The following CPOX variants were observed in gnomAD, a reference collection of about 807,000 sequenced individuals.
CPOX encodes coproporphyrinogen oxidase.
In CPOX, 24 loss-of-function variants were observed where a neutral mutation model predicts 48.9. The ratio of observed to expected loss-of-function variants is 0.49; its 90% confidence interval spans 0.36 to 0.69. CPOX has a LOEUF of 0.69. CPOX is among the 30% of genes least tolerant of loss of function. CPOX has a pLI of 0.00. For synonymous variants in CPOX, 249 were observed against 234.6 expected (o/e 1.06, Z -0.56); for missense variants, 549 against 597.3 (o/e 0.92, Z 0.84).
downstream of CPOX, among the ~76,000 whole-genome samples, chr3:98,576,551 A>G (rs1707165200): frequency 6.6e-6 from 1 of 152,206 alleles, no homozygotes; most frequent in Admixed American, 6.5e-5. Flanking sequence ...AGGTAACAAT[A>G]CAAGGGAATT....
Position 98,580,589 on chromosome 3 carries a change from G to A in CPOX, c.*94C>T, listed in dbSNP as rs1451472218. ...TGCAGAGTGGAGAAGACTAAGGCAC[G>A]GGTAACTGCCACACAGTGGCAAAGT... On this transcript the variant is annotated 3_prime_UTR_variant, in exon 7 of 7. Coordinates refer to ENST00000647941, the MANE Select transcript of CPOX (RefSeq NM_000097.7). The A allele has an allele frequency of 1.6e-5, 26 of 1,595,912 alleles. No homozygotes were observed. The highest frequency in any genetic ancestry group is 2.3e-5 in the East Asian group (1 of 44,368).
At position 98,580,518 on chromosome 3, in the gene CPOX, C is replaced by T; in HGVS notation, c.*165G>A. On this transcript the variant is annotated 3_prime_UTR_variant, in exon 7 of 7. Transcript: ENST00000647941. Reference sequence around the variant, plus strand: ...GACAATCTGCCATCTCACCATTCATCACTGACAGCATCCAAAACATGTTAT... The same window carrying T: ...GACAATCTGCCATCTCACCATTCATTACTGACAGCATCCAAAACATGTTAT... 6.8e-7 allele frequency: 1 copy of T among 1,474,352 alleles called. No homozygotes were observed. The highest frequency in any genetic ancestry group is 9.0e-7 in the Non-Finnish European group (1 of 1,113,850). 91.3% of individuals were successfully genotyped at this position (1,474,352 alleles called of 1,614,324 possible).
intron 5 of CPOX, 72 bp downstream of exon 5, chr3:98,585,369 C>A: frequency 8.5e-7 from 1 of 1,170,720 alleles, no homozygotes; most frequent in Non-Finnish European, 1.3e-6. Context: ...GACAACACAA[C>A]ACCCGCTATT....
At position 98,593,321 on chromosome 3, in the gene CPOX, G is replaced by A. The variant is rs541089894; in HGVS notation, c.184C>T (p.Leu62=). 38 of 1,434,334 alleles carry A rather than the reference G, an allele frequency of 2.6e-5. 1 individual carries two copies. In the South Asian group the frequency reaches 5.5e-4, roughly 21 times the overall value. The allele number at this position is 1,434,334 out of a possible 1,614,324, so 88.9% of individuals were successfully genotyped here. A position where few individuals can be genotyped will look rare whatever the true frequency, so the allele number is the denominator to read the frequency against. ...CCTCTCGACGTCGAGCCGTGCCCCAGCCCGCGGCTCTGCTCCGTGCCAGCC... is the reference window on the plus strand; with the variant it reads ...CCTCTCGACGTCGAGCCGTGCCCCAACCCGCGGCTCTGCTCCGTGCCAGCC... ...GPAGTEQSRG[L]GHGSTSRGGP... The change falls in exon 1 of 7, where the codon CTG becomes TTG. Residue 62 remains leucine, a synonymous_variant. Transcript: ENST00000647941.
chr3:98,591,031 T>C lies in CPOX; in HGVS notation c.681A>G (p.Lys227=). ...EAAKQMRSRG[K]VLKTKDGKLP... ...ATTTACCATCTTTAGTCTTCAGAAC[T>C]TTTCCTCTGCTTCTCATTTGTTTTG... The change falls in exon 2 of 7, where the codon AAA becomes AAG. Residue 227 remains lysine, a synonymous_variant. Coordinates refer to ENST00000647941, the MANE Select transcript of CPOX (RefSeq NM_000097.7). 6.2e-7 allele frequency: 1 copy of C among 1,614,164 alleles called. No individual in the cohort carries two copies. Among genetic ancestry groups the C allele is most frequent in the Non-Finnish European group, 8.5e-7 (1 of 1,179,996 alleles).
chr3:98,582,249 G>A (rs1675534), intron 5 of CPOX, among the ~76,000 whole-genome samples: 45,747 of 151,864 alleles, frequency 0.3, 7,322 homozygotes, highest in African/African-American at 0.42. Flanking sequence ...CTTTAACATA[G>A]GATGTAAACG....
Position 98,593,423 on chromosome 3 carries a change from A to G in CPOX, c.82T>C (p.Ser28Pro). ...RGGCGGPRAW[S>P]QCGGGGLRAW... ...CGGAGCCCTCCGCCGCCGCACTGGG[A>G]CCAGGCGCGGGGCCCTCCGCAGCCG... is the stretch of plus-strand genomic sequence containing the variant. Residue 28 changes from serine (S) to proline (P), a missense_variant, in exon 1 of 7, where the codon TCC becomes CCC. By Grantham distance (74) the Ser-to-Pro change is moderately conservative (BLOSUM62 -1). Transcript: ENST00000647941. 6.8e-7 allele frequency: 1 copy of G among 1,467,280 alleles called. No homozygotes were observed. The highest frequency in any genetic ancestry group is 9.0e-7 in the Non-Finnish European group (1 of 1,116,480). The allele number at this position is 1,467,280 out of a possible 1,614,324, so 90.9% of individuals were successfully genotyped here.
At position 98,582,295 on chromosome 3, in the gene CPOX, C is replaced by T. The variant is rs148770769; in HGVS notation, c.1173-784G>A. 5.8e-3 allele frequency among the ~76,000 whole-genome samples: 878 copies of T among 152,220 alleles called. 12 individuals carry two copies. The highest frequency in any genetic ancestry group is 0.02 in the African/African-American group (851 of 41,536). On this transcript the variant is annotated intron_variant, in intron 5 of 6. Coordinates refer to ENST00000647941, the MANE Select transcript of CPOX (RefSeq NM_000097.7). Reference sequence around the variant, plus strand: ...TCCCATTTCAAAAGGATAATTTCTACTACTCAAAAGAATTTAGACTGATTC... The same window carrying T: ...TCCCATTTCAAAAGGATAATTTCTATTACTCAAAAGAATTTAGACTGATTC...
At chr3:98,576,283 C>T (rs1304972619), downstream of CPOX, among the ~76,000 whole-genome samples, 2 of 152,144 alleles carry the variant, frequency 1.3e-5, no homozygotes. Flanking sequence ...ACCTTCTTCA[C>T]AAGGCAGCAG....
intron 6 of CPOX, among the ~76,000 whole-genome samples, 153 bp downstream of exon 6, chr3:98,581,254 T>G (rs1485250140): frequency 6.6e-6 from 1 of 152,152 alleles, no homozygotes; most frequent in Non-Finnish European, 1.5e-5. Flanking sequence ...CCAATTTGAT[T>G]TGCCTTATTT....
intron 2 of CPOX, 66 bp from the exon 3 acceptor site, chr3:98,590,808 T>G: frequency 8.0e-7 from 1 of 1,257,184 alleles, no homozygotes; most frequent in South Asian, 1.3e-5. Context: ...ACAATTTCAC[T>G]CTAATATGAT....
In CPOX at chr3:98,579,559, T is replaced by C. The variant is rs948833716; in HGVS notation, c.*1124A>G. 4 of 985,316 alleles carry C rather than the reference T, an allele frequency of 4.1e-6. No homozygotes were observed. Among genetic ancestry groups the C allele is most frequent in the African/African-American group, 1.7e-5 (1 of 57,244 alleles). 61.0% of individuals were successfully genotyped at this position (985,316 alleles called of 1,614,324 possible). A position where few individuals can be genotyped will look rare whatever the true frequency, so the allele number is the denominator to read the frequency against. ...ACAGAATCACAAACATTCAACGTGT[T>C]CCACGATAATGATATGTATGAGATG... On this transcript the variant is annotated 3_prime_UTR_variant, in exon 7 of 7. Transcript: ENST00000647941.
intron 3 of CPOX, chr3:98,589,765 T>C (rs1707442122): frequency 2.0e-5 from 3 of 152,140 alleles, no homozygotes; most frequent in Admixed American, 6.6e-5. Context: ...GGCTTCAAAA[T>C]GAAAAGTTAA....
downstream of CPOX, among the ~76,000 whole-genome samples, chr3:98,577,105 G>C (rs1229048091): frequency 6.6e-6 from 1 of 152,046 alleles, no homozygotes; most frequent in Non-Finnish European, 1.5e-5. Flanking sequence ...ATTCCAAGCA[G>C]AGATAGCAGC....
chr3:98,571,414 C>A, the CPOX span, among the ~76,000 whole-genome samples: 3 of 152,022 alleles, frequency 2.0e-5, no homozygotes, highest in African/African-American at 7.2e-5. Context: ...TGTGGCCGGG[C>A]GCGGTGGCTC....
the CPOX span, among the ~76,000 whole-genome samples, chr3:98,572,809 T>C: frequency 2.0e-5 from 3 of 152,236 alleles, no homozygotes; most frequent in African/African-American, 7.2e-5. Flanking sequence ...CAAGACATTC[T>C]GCTTTCTTCT....
chr3:98,574,919 T>C (rs1279207211), downstream of CPOX, among the ~76,000 whole-genome samples: 2 of 152,170 alleles, frequency 1.3e-5, no homozygotes, highest in Non-Finnish European at 2.9e-5. Flanking sequence ...TTTGAGGACA[T>C]CTGAACTAGT....
At position 98,590,487 on chromosome 3, in the gene CPOX, A is replaced by G; in HGVS notation, c.811+145T>C. The G allele has an allele frequency of 5.7e-6, 4 of 705,682 alleles. No homozygotes were observed. In the South Asian group the frequency reaches 6.0e-5, roughly 11 times the overall value. The allele number at this position is 705,682 out of a possible 1,614,324, so 43.7% of individuals were successfully genotyped here. A position where few individuals can be genotyped will look rare whatever the true frequency, so the allele number is the denominator to read the frequency against. Reference sequence around the variant, plus strand: ...TCATGTCTCAGGCATAATCCATTGCACTTGCCAAGAAATTGCCTTTACATT... The same window carrying G: ...TCATGTCTCAGGCATAATCCATTGCGCTTGCCAAGAAATTGCCTTTACATT... On this transcript the variant is annotated intron_variant, in intron 3 of 6. Coordinates refer to ENST00000647941, the MANE Select transcript of CPOX (RefSeq NM_000097.7).
downstream of CPOX, among the ~76,000 whole-genome samples, chr3:98,577,730 T>G (rs1253275187): frequency 6.6e-6 from 1 of 152,184 alleles, no homozygotes; most frequent in African/African-American, 2.4e-5. Flanking sequence ...CCTTTTTCCA[T>G]GGAATTCGTG....
Sources: allele counts gnomAD v4.1 joint callset (sites outside exome capture counted in the v4.1 genomes callset), GRCh38; gene constraint gnomAD v4.1.1; transcripts MANE v1.5; gene names NCBI Gene and HGNC (gene_info 2026-07-23, HGNC 2026-07-21).